Variants in TRABD2B observed in about 807,000 individuals in gnomAD.
The protein encoded by TRABD2B is TraB domain containing 2B.
In TRABD2B, 14 loss-of-function variants were observed where a neutral mutation model predicts 40.1. The observed-to-expected ratio is 0.35, with a 90% confidence interval of 0.23 to 0.55. The LOEUF (loss-of-function observed/expected upper bound fraction) is 0.55, where lower values mean the gene tolerates loss of function less well. Among genes scored for constraint, TRABD2B ranks in the 20% least tolerant of loss-of-function variants. TRABD2B has a pLI of 0.90. For missense variants in TRABD2B, 541 were observed against 648.6 expected (o/e 0.83, Z 1.80); for synonymous variants, 263 against 277.0 (o/e 0.95, Z 0.50).
At chr1:47,952,836 C>T (rs573751170) in intron 2 of TRABD2B, among the ~76,000 whole-genome samples, 1 of 152,328 alleles carries the variant, frequency 6.6e-6, no homozygotes, top group African/African-American at 2.4e-5. Context: ...CATGACCTGT[C>T]TCCTGGAGGA....
At chr1:47,887,403 T>C (rs1294690391) in intron 2 of TRABD2B, among the ~76,000 whole-genome samples, 1 of 152,124 alleles carries the variant, frequency 6.6e-6, no homozygotes, top group East Asian at 1.9e-4. Context: ...TTATGCCTAG[T>C]GGTTTTATCT....
chr1:47,881,003 G>T (rs992672690), intron 2 of TRABD2B, among the ~76,000 whole-genome samples: 5 of 152,210 alleles, frequency 3.3e-5, no homozygotes, highest in Non-Finnish European at 7.3e-5. Flanking sequence ...ATAAATTCAG[G>T]CTCGAGCTTA....
intron 2 of TRABD2B, among the ~76,000 whole-genome samples, chr1:47,960,613 T>C (rs1557681537): frequency 6.6e-6 from 1 of 152,092 alleles, no homozygotes; most frequent in Non-Finnish European, 1.5e-5. Flanking sequence ...TATTCACAAC[T>C]GCTACAAAGA....
At chr1:47,860,960 T>C (rs1052967206) in intron 2 of TRABD2B, among the ~76,000 whole-genome samples, 1 of 152,116 alleles carries the variant, frequency 6.6e-6, no homozygotes, top group Non-Finnish European at 1.5e-5. Flanking sequence ...AATGACCTAG[T>C]CTCAAATATC....
chr1:47,909,708 G>A (rs1221306383), intron 2 of TRABD2B, among the ~76,000 whole-genome samples: 1 of 148,692 alleles, frequency 6.7e-6, no homozygotes, highest in Admixed American at 6.7e-5. Flanking sequence ...CCGCCTCCAT[G>A]ACCCAAACAC....
intron 2 of TRABD2B, among the ~76,000 whole-genome samples, chr1:47,899,183 G>A (rs1020794441): frequency 1.1e-4 from 16 of 152,178 alleles, no homozygotes; most frequent in Non-Finnish European, 2.9e-5. Flanking sequence ...CCAGGTGGGG[G>A]TTCTTATGTG....
At chr1:47,817,181 G>A (rs1645045155) in intron 2 of TRABD2B, among the ~76,000 whole-genome samples, 1 of 152,000 alleles carries the variant, frequency 6.6e-6, no homozygotes, top group Non-Finnish European at 1.5e-5. Flanking sequence ...CTAGAGGGGC[G>A]GCCTCCAGAG....
intron 2 of TRABD2B, among the ~76,000 whole-genome samples, chr1:47,955,782 C>T (rs1645411618): frequency 6.6e-6 from 1 of 152,218 alleles, no homozygotes; most frequent in South Asian, 2.1e-4. Flanking sequence ...CAGGTCACTG[C>T]TGACTGTGCT....
chr1:47,949,570 G>A (rs1645311379), intron 2 of TRABD2B, among the ~76,000 whole-genome samples: 1 of 151,692 alleles, frequency 6.6e-6, no homozygotes, highest in African/African-American at 2.4e-5. Flanking sequence ...ACCATGGCCA[G>A]CTAATATTTG....
intron 2 of TRABD2B, among the ~76,000 whole-genome samples, chr1:47,897,670 C>A (rs1400096609): frequency 6.6e-6 from 1 of 152,166 alleles, no homozygotes; most frequent in African/African-American, 2.4e-5. Flanking sequence ...ACAGCTCAAT[C>A]AGTTTCCTCC....
intron 2 of TRABD2B, among the ~76,000 whole-genome samples, chr1:47,862,807 G>A (rs1453995043): frequency 7.2e-6 from 1 of 139,590 alleles, no homozygotes; most frequent in African/African-American, 2.7e-5. Context: ...AAAGTTAAAG[G>A]AATGACAGTA....
chr1:47,833,605 C>T lies in TRABD2B; in HGVS notation c.667-31986G>A, dbSNP rs1348342383. On this transcript the variant is annotated intron_variant, in intron 2 of 6. Coordinates refer to ENST00000606738, the MANE Select transcript of TRABD2B (RefSeq NM_001194986.2). ...GTCTCACTGCCTCTAGTAACATTTA[C>T]CTGTTTTTCAGTCTACCTTAATCAT... Among the ~76,000 whole-genome samples, 3 of 152,320 alleles carry T rather than the reference C, an allele frequency of 2.0e-5. No individual in the cohort carries two copies. The East Asian group carries it at 5.8e-4, about 29-fold the overall frequency.
At chr1:47,909,882 T>C (rs536334289) in intron 2 of TRABD2B, among the ~76,000 whole-genome samples, 8,661 of 146,108 alleles carry the variant, frequency 0.059, 960 homozygotes, top group African/African-American at 0.21. Context: ...TGAGACACTT[T>C]GGAACTGTTA....
intron 2 of TRABD2B, among the ~76,000 whole-genome samples, chr1:47,859,678 G>A (rs1459796694): frequency 6.6e-6 from 1 of 152,146 alleles, no homozygotes; most frequent in Non-Finnish European, 1.5e-5. Context: ...ACATCTCCTG[G>A]CTCAGAGTGG....
Position 47,917,684 on chromosome 1 carries a change from T to C in TRABD2B, c.666+76350A>G, listed in dbSNP as rs546308975. 2.0e-5 allele frequency among the ~76,000 whole-genome samples: 3 copies of C among 151,946 alleles called. No homozygotes were observed. The South Asian group carries it at 6.2e-4, about 32-fold the overall frequency. On this transcript the variant is annotated intron_variant, in intron 2 of 6. Coordinates refer to ENST00000606738, the MANE Select transcript of TRABD2B (RefSeq NM_001194986.2). ...AGGAGTTTGAGGCTGTAGTGAGCTATGATTGCACCACTGCACTTCAGCATA... is the reference window on the plus strand; with the variant it reads ...AGGAGTTTGAGGCTGTAGTGAGCTACGATTGCACCACTGCACTTCAGCATA...
chr1:47,823,660 G>A (rs1645139460), intron 2 of TRABD2B, among the ~76,000 whole-genome samples: 1 of 152,180 alleles, frequency 6.6e-6, no homozygotes, highest in African/African-American at 2.4e-5. Flanking sequence ...TGAGAATGGG[G>A]TGGTGAGAGA....
intron 2 of TRABD2B, among the ~76,000 whole-genome samples, chr1:47,975,795 G>A (rs919746960): frequency 3.9e-5 from 6 of 152,184 alleles, no homozygotes; most frequent in Admixed American, 2.0e-4. Context: ...AATATGTTCA[G>A]AGAAAACTGA....
intron 2 of TRABD2B, among the ~76,000 whole-genome samples, chr1:47,965,934 C>T (rs1645595589): frequency 6.6e-6 from 1 of 152,144 alleles, no homozygotes; most frequent in Admixed American, 6.5e-5. Flanking sequence ...GAATATTTTG[C>T]AGCAGACACC....
Position 47,826,137 on chromosome 1 carries a change from G to A in TRABD2B, c.667-24518C>T, listed in dbSNP as rs562468742. ...TCTAGCAGCCCAACTGGCTTGAAGG[G>A]GACTGTGGTGAGCTCCATCCATCAC... On this transcript the variant is annotated intron_variant, in intron 2 of 6. Coordinates refer to ENST00000606738, the MANE Select transcript of TRABD2B (RefSeq NM_001194986.2). 2.0e-5 allele frequency among the ~76,000 whole-genome samples: 3 copies of A among 152,294 alleles called. No homozygotes were observed. The South Asian group carries it at 6.2e-4, about 32-fold the overall frequency.
Sources: gnomAD v4.1 joint callset for allele counts (sites outside exome capture counted in the v4.1 genomes callset) on GRCh38, gnomAD v4.1.1 for gene constraint, MANE v1.5 for transcripts, NCBI Gene and HGNC (gene_info 2026-07-23, HGNC 2026-07-21) for gene names.